The following LINGO1 variants were observed in gnomAD, a reference collection of about 807,000 sequenced individuals.
LINGO1 encodes the protein leucine rich repeat and Ig domain containing 1.
In LINGO1, 11 loss-of-function variants were observed where a neutral mutation model predicts 37.3. The ratio of observed to expected loss-of-function variants is 0.29; its 90% CI spans 0.19 to 0.49. The LOEUF (loss-of-function observed/expected upper bound fraction) is 0.49, where lower values mean the gene tolerates loss of function less well. Ranked by LOEUF, LINGO1 falls within the 20% of genes least tolerant of loss-of-function variation. LINGO1 has a pLI of 0.99. For synonymous variants in LINGO1, 387 were observed against 403.0 expected, an observed-to-expected ratio of 0.96 and a Z score of 0.48; for missense variants, 585 against 878.2, an observed-to-expected ratio of 0.67 and a Z score of 4.22.
At position 77,676,849 on chromosome 15, in the gene LINGO1, GC is replaced by G. The variant is rs541915105; in HGVS notation, c.-13+239del. 4.6e-5 allele frequency among the ~76,000 whole-genome samples: 7 copies of G among 152,340 alleles called. No homozygotes were observed. The East Asian group carries it at 1.4e-3, about 29-fold the overall frequency. On this transcript the variant is annotated intron_variant, in intron 3 of 3. Transcript: ENST00000559893. ...TGCCTCTCAGCATCCCGGGGACAAA[GC>G]CTGGTGAGGAAGAATGGCTGAGGCG...
At chr15:77,766,443 G>C (rs1314595887) in intron 1 of LINGO1, among the ~76,000 whole-genome samples, 1 of 150,870 alleles carries the variant, frequency 6.6e-6, no homozygotes, top group East Asian at 1.9e-4. Flanking sequence ...AATAAGAACT[G>C]ATTGCAATAC....
chr15:77,698,905 C>A (rs2075732115), upstream of LINGO1, among the ~76,000 whole-genome samples: 1 of 152,188 alleles, frequency 6.6e-6, no homozygotes, highest in African/African-American at 2.4e-5. Flanking sequence ...CGGACAAGAG[C>A]AGGCCCCTGG....
intron 1 of LINGO1, among the ~76,000 whole-genome samples, chr15:77,799,977 G>C (rs951131037): frequency 6.6e-6 from 1 of 152,142 alleles, no homozygotes; most frequent in Non-Finnish European, 1.5e-5. Flanking sequence ...TGGCCAGGTG[G>C]ACTCCAGGAA....
chr15:77,761,815 G>A (rs891411024), intron 1 of LINGO1, among the ~76,000 whole-genome samples: 5 of 152,210 alleles, frequency 3.3e-5, no homozygotes, highest in African/African-American at 1.2e-4. Context: ...CAGAAGAGAT[G>A]ACCCAAAGGA....
chr15:77,657,435 T>C (rs1350715485), intron 3 of LINGO1, among the ~76,000 whole-genome samples: 4 of 152,178 alleles, frequency 2.6e-5, no homozygotes, highest in Non-Finnish European at 4.4e-5. Flanking sequence ...CAGGCCATTC[T>C]CTCTGGGTGT....
chr15:77,777,089 T>C (rs6495247), intron 1 of LINGO1, among the ~76,000 whole-genome samples: 94,862 of 152,096 alleles, frequency 0.62, 29,754 homozygotes, highest in Non-Finnish European at 0.67. Flanking sequence ...ATTGCTGACA[T>C]AGCACTACGG....
At chr15:77,708,537 CA>C (rs1203861947) in intron 2 of LINGO1, among the ~76,000 whole-genome samples, 2 of 152,176 alleles carry the variant, frequency 1.3e-5, no homozygotes, top group African/African-American at 4.8e-5. Flanking sequence ...AGGGTCTTTG[CA>C]GAGGTAATTA....
chr15:77,768,024 GC>G (rs1440982803), intron 1 of LINGO1, among the ~76,000 whole-genome samples: 3 of 152,342 alleles, frequency 2.0e-5, no homozygotes, highest in East Asian at 3.9e-4. Context: ...GTAGCAAATG[GC>G]CCAGGGAAGG....
chr15:77,754,739 G>A (rs1427649986), intron 1 of LINGO1, among the ~76,000 whole-genome samples: 1 of 152,196 alleles, frequency 6.6e-6, no homozygotes, highest in Non-Finnish European at 1.5e-5. Context: ...AGTCAGGGCT[G>A]CCCTTTGTGC....
chr15:77,697,823 G>A (rs2075716311), upstream of LINGO1, among the ~76,000 whole-genome samples: 1 of 152,180 alleles, frequency 6.6e-6, no homozygotes, highest in Admixed American at 6.5e-5. Context: ...AGGAAAACGA[G>A]TTGGGCTTGG....
chr15:77,751,195 C>T (rs1338824688), intron 1 of LINGO1, among the ~76,000 whole-genome samples: 1 of 150,472 alleles, frequency 6.6e-6, no homozygotes, highest in Non-Finnish European at 1.5e-5. Context: ...CCTCAAGAGG[C>T]CCCTCTCCCA....
chr15:77,627,322 C>T (rs1012732804), intron 1 of LINGO1, among the ~76,000 whole-genome samples: 1 of 152,118 alleles, frequency 6.6e-6, no homozygotes, highest in Admixed American at 6.5e-5. Context: ...CGTTGGTGTA[C>T]CAGGCTGGCA....
rs562546461 is a variant in LINGO1, at chr15:77,703,991, T to C, written c.-194-13090A>G. Among the ~76,000 whole-genome samples the C allele has an allele frequency of 5.9e-5, 9 of 152,272 alleles. No individual in the cohort carries two copies. In the South Asian group the frequency reaches 1.9e-3, roughly 32 times the overall value. On this transcript the variant is annotated intron_variant, in intron 2 of 3. Transcript: ENST00000561686. Reference sequence around the variant, plus strand: ...AATGCTGAGGGACCCTGAAAAGGAATAAAGGGACAAGGAGTTTGAGTCCGG... The same window carrying C: ...AATGCTGAGGGACCCTGAAAAGGAACAAAGGGACAAGGAGTTTGAGTCCGG...
intron 3 of LINGO1, among the ~76,000 whole-genome samples, chr15:77,649,873 C>T (rs74025347): frequency 5.9e-5 from 9 of 152,010 alleles, no homozygotes; most frequent in Middle Eastern, 3.4e-3. Flanking sequence ...CTTTTCCCCG[C>T]GACTCCTACC....
At chr15:77,665,444 C>T (rs1221727847) in intron 3 of LINGO1, among the ~76,000 whole-genome samples, 1 of 152,224 alleles carries the variant, frequency 6.6e-6, no homozygotes, top group East Asian at 1.9e-4. Context: ...TAGGGTTCTG[C>T]CACTGCCTGG....
chr15:77,626,699 C>T (rs1474603118), intron 1 of LINGO1, among the ~76,000 whole-genome samples: 1 of 152,194 alleles, frequency 6.6e-6, no homozygotes, highest in Non-Finnish European at 1.5e-5. Context: ...GGAGCCAAGA[C>T]CCATGGGTGG....
intron 1 of LINGO1, among the ~76,000 whole-genome samples, chr15:77,741,616 C>G (rs1203710548): frequency 6.6e-6 from 1 of 152,220 alleles, no homozygotes; most frequent in African/African-American, 2.4e-5. Flanking sequence ...AGCCGCTCTC[C>G]CCAGGGCCCA....
intron 2 of LINGO1, among the ~76,000 whole-genome samples, chr15:77,682,220 C>T (rs2141229637): frequency 6.6e-6 from 1 of 151,818 alleles, no homozygotes; most frequent in African/African-American, 2.4e-5. Flanking sequence ...ATTACCTAAC[C>T]TTTCTGGGAC....
chr15:77,769,657 AG>A (rs1567573481), intron 1 of LINGO1, among the ~76,000 whole-genome samples: 1 of 152,186 alleles, frequency 6.6e-6, no homozygotes, highest in East Asian at 1.9e-4. Context: ...CAAGCACCTC[AG>A]CCCCCACCCA....
Sources: allele counts gnomAD v4.1 joint callset (sites outside exome capture counted in the v4.1 genomes callset), GRCh38; gene constraint gnomAD v4.1.1; transcripts MANE v1.5; gene names NCBI Gene and HGNC (gene_info 2026-07-23, HGNC 2026-07-21).